CDC25B: variants seen among roughly 807,000 people sequenced by gnomAD.
CDC25B encodes M-phase inducer phosphatase 2.
A neutral mutation model predicts 69.8 loss-of-function variants in CDC25B; 33 were observed. The observed-to-expected ratio is 0.47, with a 90% CI of 0.36 to 0.63. The LOEUF is 0.63. CDC25B is among the 30% of genes least tolerant of loss of function. The pLI is 0.00. For missense variants in CDC25B, 727 were observed against 809.1 expected (o/e 0.90, Z 1.23); for synonymous variants, 341 against 314.6 (o/e 1.08, Z -0.89).
At chr20:3,791,099 C>T (rs1260532655) in intron 1 of CDC25B, among the ~76,000 whole-genome samples, 1 of 152,320 alleles carries the variant, frequency 6.6e-6, no homozygotes, top group South Asian at 2.1e-4. Flanking sequence ...GGCATCCCCA[C>T]CTGACTGCCC....
chr20:3,804,204 C>T (rs1346360221), intron 14 of CDC25B, among the ~76,000 whole-genome samples: 1 of 152,236 alleles, frequency 6.6e-6, no homozygotes, highest in Non-Finnish European at 1.5e-5. Context: ...TCCCTTCTCC[C>T]CACCACTGAT....
At chr20:3,800,939 G>C (rs774430425) in intron 6 of CDC25B, 32 bp from the exon 7 acceptor site, 42 of 1,613,044 alleles carry the variant, frequency 2.6e-5, no homozygotes, top group Non-Finnish European at 3.4e-5. Flanking sequence ...TCCCTGGCAT[G>C]TGAGGACCCT....
In CDC25B at chr20:3,802,295, C is replaced by T. The variant is rs765055644; in HGVS notation, c.1113C>T (p.Leu371=). Residue 371 remains leucine (L), a synonymous_variant, in exon 11 of 16, where the codon CTC becomes CTT. Coordinates refer to ENST00000245960, the MANE Select transcript of CDC25B (RefSeq NM_021873.4). ...TCACTTTCCAGAAAGCCCGCGTCCTCCGCTCAAAATCACTGTGTCACGATG... is the reference window on the plus strand; with the variant it reads ...TCACTTTCCAGAAAGCCCGCGTCCTTCGCTCAAAATCACTGTGTCACGATG... The part of the protein sequence containing the change: ...QEAEEPKARV[L]RSKSLCHDEI... 1.2e-6 allele frequency: 2 copies of T among 1,611,064 alleles called. No homozygotes were observed. The highest frequency in any genetic ancestry group is 1.3e-5 in the African/African-American group (1 of 75,028).
At position 3,803,059 on chromosome 20, in the gene CDC25B, C is replaced by T; in HGVS notation, c.1258-49C>T. On this transcript the variant is annotated intron_variant, in intron 12 of 15. Transcript: ENST00000245960. This position sits in a 1 kb window ranked among gnomAD's most constrained non-coding sequence, Gnocchi z 4.9. ...CCTGGGGACAGGCTAGGGCCACCTG[C>T]CAGCTGCCAGCCTGACCTGCCGGAA... 1 of 1,590,356 alleles carries T rather than the reference C, an allele frequency of 6.3e-7. No homozygotes were observed. Among genetic ancestry groups the T allele is most frequent in the South Asian group, 1.1e-5 (1 of 90,586 alleles).
In CDC25B at chr20:3,802,223, C is replaced by G. The variant is rs962915475; in HGVS notation, c.1099-58C>G. 4.5e-6 allele frequency: 7 copies of G among 1,567,836 alleles called. No individual in the cohort carries two copies. In the Admixed American group the frequency reaches 1.2e-4, roughly 26 times the overall value. On this transcript the variant is annotated intron_variant, in intron 10 of 15. Coordinates refer to ENST00000245960, the MANE Select transcript of CDC25B (RefSeq NM_021873.4). Reference sequence around the variant, plus strand: ...GCAGAGAAAGGGGGTACCAGCCAGCCAGAGCACTGGGGGGCAGCCCCACCC... The same window carrying G: ...GCAGAGAAAGGGGGTACCAGCCAGCGAGAGCACTGGGGGGCAGCCCCACCC...
In CDC25B at chr20:3,800,204, C is replaced by A. The variant is rs1006233068; in HGVS notation, c.381-84C>A. 18 of 551,774 alleles carry A rather than the reference C, an allele frequency of 3.3e-5. No individual in the cohort carries two copies. In the South Asian group the frequency reaches 4.1e-4, roughly 13 times the overall value. 34.2% of individuals were successfully genotyped at this position (551,774 alleles called of 1,614,324 possible). ...CTTGGCCCTTGTCTTTGCCCTTACTCCCCCCTGGACTGGGGGCCTGGTGCT... is the reference window on the plus strand; with the variant it reads ...CTTGGCCCTTGTCTTTGCCCTTACTACCCCCTGGACTGGGGGCCTGGTGCT... On this transcript the variant is annotated intron_variant, in intron 3 of 15. Coordinates refer to ENST00000245960, the MANE Select transcript of CDC25B (RefSeq NM_021873.4).
In CDC25B at chr20:3,802,992, T is replaced by C. The variant is rs764300357; in HGVS notation, c.1257+20T>C. 10 of 1,612,208 alleles carry C rather than the reference T, an allele frequency of 6.2e-6. No individual in the cohort carries two copies. In the South Asian group the frequency reaches 9.9e-5, roughly 16 times the overall value. ...GAAACGGTAAACAGCGTTGCGTCAT[T>C]TTCTAGGCAGATTTGGGACTGTAGC... On this transcript the variant is annotated intron_variant, in intron 12 of 15. Transcript: ENST00000245960.
At chr20:3,789,805 C>T (rs1214480729) in intron 1 of CDC25B, among the ~76,000 whole-genome samples, 2 of 152,112 alleles carry the variant, frequency 1.3e-5, no homozygotes, top group Non-Finnish European at 2.9e-5. Flanking sequence ...CTGGCTAACA[C>T]GGTGGAACCC....
chr20:3,790,105 A>G (rs948355725), intron 1 of CDC25B, among the ~76,000 whole-genome samples: 3 of 152,020 alleles, frequency 2.0e-5, no homozygotes, highest in Admixed American at 2.0e-4. Flanking sequence ...GCAATGAACT[A>G]TGATTGCACC....
intron 1 of CDC25B, among the ~76,000 whole-genome samples, chr20:3,790,002 A>AG (rs1399662749): frequency 1.3e-5 from 2 of 151,684 alleles, no homozygotes; most frequent in African/African-American, 4.8e-5. Context: ...AAAAAAAAAA[A>AG]TTAGCTAGGC....
chr20:3,801,907 C>T lies in CDC25B; in HGVS notation c.922-17C>T, dbSNP rs1175209120. ...GGGGCCTGGGCACCCTGATCCCTAA[C>T]CTGCTGTCCCTGCCAGGACCTCGTC... On this transcript the variant is annotated splice_polypyrimidine_tract_variant and intron_variant, in intron 9 of 15. Coordinates refer to ENST00000245960, the MANE Select transcript of CDC25B (RefSeq NM_021873.4). 2 of 1,600,808 alleles carry T rather than the reference C, an allele frequency of 1.2e-6. No individual in the cohort carries two copies. Among genetic ancestry groups the T allele is most frequent in the African/African-American group, 1.3e-5 (1 of 74,812 alleles).
chr20:3,787,030 G>GTTTTT, exon 1 of CDC25B: 2 of 452,558 alleles, frequency 4.4e-6, no homozygotes, highest in Non-Finnish European at 8.0e-6. Flanking sequence ...GTTTTTGTTT[G>GTTTTT]TTTTTTTTTT....
Position 3,801,049 on chromosome 20 carries a change from A to C in CDC25B, c.661A>C (p.Arg221=). Residue 221 remains arginine (R), a synonymous_variant, in exon 7 of 16, where the codon AGG becomes CGG. Transcript: ENST00000245960. ...TGCTCTGGCAGAGTGGGCCAGCCGCAGGGAAGCCTTTGCCCAGAGACCCAG... is the reference window on the plus strand; with the variant it reads ...TGCTCTGGCAGAGTGGGCCAGCCGCCGGGAAGCCTTTGCCCAGAGACCCAG... ...THALAEWASR[R]EAFAQRPSSA... 1.2e-6 allele frequency: 2 copies of C among 1,614,028 alleles called. No individual in the cohort carries two copies. Among genetic ancestry groups the C allele is most frequent in the Non-Finnish European group, 1.7e-6 (2 of 1,179,894 alleles).
chr20:3,801,201 G>C, intron 7 of CDC25B, 53 bp from the exon 8 acceptor site: 1 of 1,603,894 alleles, frequency 6.2e-7, no homozygotes, highest in Non-Finnish European at 8.5e-7. Flanking sequence ...CAGGAGGATG[G>C]GGGCGGGAAC....
chr20:3,804,740 C>T, intron 15 of CDC25B, 60 bp downstream of exon 15: 4 of 1,572,710 alleles, frequency 2.5e-6, no homozygotes, highest in Non-Finnish European at 3.5e-6. Flanking sequence ...CAGGCTGGAG[C>T]CATGGGATGG....
chr20:3,788,867 T>C (rs1030648308), intron 1 of CDC25B, among the ~76,000 whole-genome samples: 1 of 151,694 alleles, frequency 6.6e-6, no homozygotes, highest in African/African-American at 2.4e-5. Flanking sequence ...CCTTTCCTTC[T>C]TTCTTTCCTT....
In CDC25B at chr20:3,803,815, GA is replaced by G. The variant is rs1306191082; in HGVS notation, c.1490+281del. On this transcript the variant is annotated intron_variant, in intron 14 of 15. Transcript: ENST00000245960. This position sits in a 1 kb window ranked among gnomAD's most constrained non-coding sequence, Gnocchi z 4.9. ...CAAGTCTCTAGCGGTGTCTTTTCTC[GA>G]AATCTAAGGGCCGCGTGTCAGTCCC... 1.3e-5 allele frequency among the ~76,000 whole-genome samples: 2 copies of G among 152,108 alleles called. No homozygotes were observed. Among genetic ancestry groups the G allele is most frequent in the Non-Finnish European group, 2.9e-5 (2 of 68,032 alleles).
chr20:3,789,653 G>A (rs1183819630), intron 1 of CDC25B, among the ~76,000 whole-genome samples: 1 of 150,756 alleles, frequency 6.6e-6, no homozygotes, highest in African/African-American at 2.5e-5. Context: ...TTGCAGCCGT[G>A]AGCCACCTCA....
Position 3,801,237 on chromosome 20 carries a change from G to A in CDC25B, c.706-17G>A, listed in dbSNP as rs367578735. On this transcript the variant is annotated splice_polypyrimidine_tract_variant and intron_variant, in intron 7 of 15. Coordinates refer to ENST00000245960, the MANE Select transcript of CDC25B (RefSeq NM_021873.4). ...TATCTCCACCTCTAAGTCTGTGTCTGTCTGTCATGTGGACAGTGTCTCAGT... is the reference window on the plus strand; with the variant it reads ...TATCTCCACCTCTAAGTCTGTGTCTATCTGTCATGTGGACAGTGTCTCAGT... 1.2e-4 allele frequency: 198 copies of A among 1,612,694 alleles called. No individual in the cohort carries two copies. Among genetic ancestry groups the A allele is most frequent in the Non-Finnish European group, 1.5e-4 (173 of 1,179,374 alleles).
Sources: allele counts gnomAD v4.1 joint callset (sites outside exome capture counted in the v4.1 genomes callset), GRCh38; gene constraint gnomAD v4.1.1; non-coding constraint Gnocchi (gnomAD v3.1); transcripts MANE v1.5; gene names NCBI Gene and HGNC (gene_info 2026-07-23, HGNC 2026-07-21).